The following WDR82 variants were observed in gnomAD, a reference collection of about 807,000 sequenced individuals.
The protein encoded by WDR82 is WD repeat domain 82.
Under a neutral mutation model 36.1 loss-of-function variants are expected in WDR82, and 8 were observed. The observed-to-expected ratio is 0.22, with a 90% confidence interval of 0.13 to 0.40. The LOEUF is 0.40. Among genes scored for constraint, WDR82 ranks in the 10% least tolerant of loss-of-function variants. The probability of loss-of-function intolerance (pLI) is 1.00; values close to 1 mark genes in which losing one functional copy is unlikely to be tolerated. For missense variants in WDR82, 185 were observed against 400.5 expected (o/e 0.46, Z 4.59); for synonymous variants, 129 against 137.8 (o/e 0.94, Z 0.45).
chr3:52,271,197 C>T (rs149425116), intron 1 of WDR82, among the ~76,000 whole-genome samples: 70 of 152,268 alleles, frequency 4.6e-4, no homozygotes, highest in African/African-American at 1.7e-3. Context: ...CCTCTACAAC[C>T]GATGTTTCAT....
chr3:52,278,017 T>C, intron 1 of WDR82, 184 bp downstream of exon 1: 1 of 467,812 alleles, frequency 2.1e-6, no homozygotes, highest in Non-Finnish European at 3.6e-6. Flanking sequence ...TCGTTATCTT[T>C]TTTTTTTAAG....
At chr3:52,266,887 C>T in intron 3 of WDR82, 65 bp downstream of exon 3, 1 of 1,403,606 alleles carries the variant, frequency 7.1e-7, no homozygotes, top group African/African-American at 1.4e-5. Flanking sequence ...TCTCTCTAGC[C>T]TTCTATTCTC....
chr3:52,276,568 A>C (rs1275131032), intron 1 of WDR82, among the ~76,000 whole-genome samples: 1 of 152,248 alleles, frequency 6.6e-6, no homozygotes, highest in Non-Finnish European at 1.5e-5. Context: ...TTAAATGAGG[A>C]TATACATCTC....
chr3:52,257,566 A>G lies in WDR82; in HGVS notation c.913-47T>C. The G allele has an allele frequency of 1.9e-6, 3 of 1,613,148 alleles. No homozygotes were observed. In the Admixed American group the frequency reaches 5.0e-5, roughly 27 times the overall value. ...ACTTTAAAAAGCCAAGCATCTCCTC[A>G]CTGCCAACGGTTCTTCACATCCCAC... On this transcript the variant is annotated intron_variant, in intron 8 of 8. Coordinates refer to ENST00000296490, the MANE Select transcript of WDR82 (RefSeq NM_025222.4).
intron 1 of WDR82, among the ~76,000 whole-genome samples, chr3:52,274,599 AAAC>A (rs1346711221): frequency 6.6e-6 from 1 of 151,220 alleles, no homozygotes; most frequent in African/African-American, 2.4e-5. Context: ...AAACAAAACA[AAAC>A]AAAAAAACAG....
At chr3:52,259,695 T>C (rs1316469193) in intron 6 of WDR82, 22 bp downstream of exon 6, 6 of 1,602,184 alleles carry the variant, frequency 3.7e-6, no homozygotes, top group Non-Finnish European at 4.3e-6. Flanking sequence ...GAAACAGCCA[T>C]GCTTGAAGGC....
In WDR82 at chr3:52,265,566, C is replaced by CTT. The variant is rs959125432; in HGVS notation, c.326+1384_326+1385dup. On this transcript the variant is annotated intron_variant, in intron 3 of 8. Coordinates refer to ENST00000296490, the MANE Select transcript of WDR82 (RefSeq NM_025222.4). ...ATGGCCTGCCCAACTGGAAGTGCAACTTTTTTTTTTTTTTTTTTTTTTTGA... is the reference window on the plus strand; with the variant it reads ...ATGGCCTGCCCAACTGGAAGTGCAACTTTTTTTTTTTTTTTTTTTTTTTTTGA... Among the ~76,000 whole-genome samples, 321 of 120,660 alleles carry CTT rather than the reference C, an allele frequency of 2.7e-3. 2 individuals are homozygous for CTT. The highest frequency in any genetic ancestry group is 3.5e-3 in the Non-Finnish European group (201 of 58,192). 79.2% of individuals were successfully genotyped at this position (120,660 alleles called of 152,430 possible). A position where few individuals can be genotyped will look rare whatever the true frequency, so the allele number is the denominator to read the frequency against.
At chr3:52,272,269 C>T (rs1272372122) in intron 1 of WDR82, among the ~76,000 whole-genome samples, 3 of 151,482 alleles carry the variant, frequency 2.0e-5, no homozygotes, top group African/African-American at 4.9e-5. Flanking sequence ...TTAGGCTGGG[C>T]GTGGTGGCTC....
chr3:52,277,836 C>T (rs1261828366), intron 1 of WDR82, among the ~76,000 whole-genome samples: 1 of 152,112 alleles, frequency 6.6e-6, no homozygotes, highest in African/African-American at 2.4e-5. Flanking sequence ...GCGTCGAGGC[C>T]GGAGCAGACC....
At position 52,255,461 on chromosome 3, in the gene WDR82, T is replaced by C. The variant is rs1471090467; in HGVS notation, c.*2029A>G. 2 of 152,136 alleles carry C rather than the reference T, an allele frequency of 1.3e-5. No homozygotes were observed. The highest frequency in any genetic ancestry group is 2.9e-5 in the Non-Finnish European group (2 of 68,028). 9.4% of individuals were successfully genotyped at this position (152,136 alleles called of 1,614,324 possible). A position where few individuals can be genotyped will look rare whatever the true frequency, so the allele number is the denominator to read the frequency against. ...ACCCGGAAAAGCCAGGGGTGGGCAA[T>C]AACAATTAAGATCATTTGGTTTCTA... On this transcript the variant is annotated 3_prime_UTR_variant, in exon 9 of 9. Coordinates refer to ENST00000296490, the MANE Select transcript of WDR82 (RefSeq NM_025222.4).
chr3:52,263,178 T>C (rs1700076453), intron 3 of WDR82, among the ~76,000 whole-genome samples: 1 of 152,200 alleles, frequency 6.6e-6, no homozygotes, highest in Non-Finnish European at 1.5e-5. Context: ...TGTAATTTTA[T>C]GCCATGGCAT....
chr3:52,257,753 AC>A (rs991041831), intron 8 of WDR82, among the ~76,000 whole-genome samples: 3 of 150,322 alleles, frequency 2.0e-5, no homozygotes, highest in Non-Finnish European at 3.0e-5. Context: ...ACCAAAGCAG[AC>A]CCCCCGCCCC....
At chr3:52,261,777 T>C (rs1181510266) in intron 3 of WDR82, among the ~76,000 whole-genome samples, 1 of 151,960 alleles carries the variant, frequency 6.6e-6, no homozygotes, top group Non-Finnish European at 1.5e-5. Context: ...AGATAACAAG[T>C]GTTGGTGAGG....
At chr3:52,270,087 C>T (rs1205410231) in intron 2 of WDR82, among the ~76,000 whole-genome samples, 1 of 152,164 alleles carries the variant, frequency 6.6e-6, no homozygotes, top group East Asian at 1.9e-4. Context: ...TTATCACTTG[C>T]TGTGTATCAA....
chr3:52,257,765 CT>C (rs1268652676), intron 8 of WDR82, among the ~76,000 whole-genome samples: 3 of 151,902 alleles, frequency 2.0e-5, no homozygotes, highest in Non-Finnish European at 4.4e-5. Flanking sequence ...CCCCCGCCCC[CT>C]TTTTTTTAAA....
Position 52,278,141 on chromosome 3 carries a change from T to C in WDR82, c.161+60A>G, listed in dbSNP as rs548801732. The C allele has an allele frequency of 2.6e-5, 37 of 1,442,808 alleles. 1 individual carries two copies. The East Asian group carries it at 8.5e-4, about 33-fold the overall frequency. 89.4% of individuals were successfully genotyped at this position (1,442,808 alleles called of 1,614,324 possible). ...GGGACGGAGGGCAGGCCGAGGGACC[T>C]GTGCTGGGCCACCGGAGGGAGGCAC... On this transcript the variant is annotated intron_variant, in intron 1 of 8. Coordinates refer to ENST00000296490, the MANE Select transcript of WDR82 (RefSeq NM_025222.4).
intron 3 of WDR82, among the ~76,000 whole-genome samples, chr3:52,265,243 T>G (rs1186019841): frequency 1.6e-5 from 2 of 127,952 alleles, no homozygotes; most frequent in Non-Finnish European, 3.1e-5. Flanking sequence ...GAGCCTGCAG[T>G]GAGCCAACAT....
chr3:52,259,295 T>C (rs751826166), intron 6 of WDR82, 29 bp from the exon 7 acceptor site: 1 of 1,610,562 alleles, frequency 6.2e-7, no homozygotes, highest in Non-Finnish European at 8.5e-7. Flanking sequence ...GTTCTTTTGT[T>C]CTTACAGAGC....
chr3:52,269,306 C>A (rs541300645), intron 2 of WDR82, among the ~76,000 whole-genome samples: 35 of 152,032 alleles, frequency 2.3e-4, no homozygotes, highest in Non-Finnish European at 5.0e-4. Context: ...GAAGTCCCAA[C>A]TCTACTAAAA....
Sources: allele counts gnomAD v4.1 joint callset (sites outside exome capture counted in the v4.1 genomes callset), GRCh38; gene constraint gnomAD v4.1.1; transcripts MANE v1.5; gene names NCBI Gene and HGNC (gene_info 2026-07-23, HGNC 2026-07-21).